DOT1L: variants seen among roughly 807,000 people sequenced by gnomAD.
The protein encoded by DOT1L is histone-lysine N-methyltransferase, H3 lysine-79 specific.
A neutral mutation model predicts 153.3 loss-of-function variants in DOT1L; 33 were observed. That is an observed-to-expected ratio of 0.22 (90% CI 0.16 to 0.29). The LOEUF is 0.29. Ranked by LOEUF, DOT1L falls within the 10% of genes least tolerant of loss-of-function variation. The pLI is 1.00. For synonymous variants in DOT1L, 1,135 were observed against 965.1 expected, an observed-to-expected ratio of 1.18 and a Z score of -3.26; for missense variants, 1,847 against 2,119.9, an observed-to-expected ratio of 0.87 and a Z score of 2.53.
At position 2,208,785 on chromosome 19, in the gene DOT1L, G is replaced by T; in HGVS notation, c.964-150G>T. ...GTTAGTCACATCCGCGTTTGCCACTGGGGGGCTCTAGCTGCATGCCTGCTG... is the reference window on the plus strand; with the variant it reads ...GTTAGTCACATCCGCGTTTGCCACTTGGGGGCTCTAGCTGCATGCCTGCTG... On this transcript the variant is annotated intron_variant, in intron 11 of 27. Transcript: ENST00000398665. This position sits in a 1 kb window ranked among gnomAD's most constrained non-coding sequence, Gnocchi z 4.4. 1.3e-6 allele frequency: 1 copy of T among 768,240 alleles called. No individual in the cohort carries two copies. The highest frequency in any genetic ancestry group is 2.6e-5 in the East Asian group (1 of 38,604). 47.6% of individuals were successfully genotyped at this position (768,240 alleles called of 1,614,324 possible). A position where few individuals can be genotyped will look rare whatever the true frequency, so the allele number is the denominator to read the frequency against.
chr19:2,226,127 T>G, intron 26 of DOT1L, 56 bp from the exon 27 acceptor site: 1 of 1,477,574 alleles, frequency 6.8e-7, no homozygotes, highest in Non-Finnish European at 9.0e-7. Flanking sequence ...GTTAGCCTCA[T>G]GGGTAGCCCG....
At chr19:2,199,727 C>T (rs1391151098) in intron 7 of DOT1L, among the ~76,000 whole-genome samples, 157 bp from the exon 8 acceptor site, 1 of 152,150 alleles carries the variant, frequency 6.6e-6, no homozygotes, top group Non-Finnish European at 1.5e-5. Context: ...CTTCTGCCTG[C>T]AGCTCCCAGG....
At position 2,223,496 on chromosome 19, in the gene DOT1L, G is replaced by A. The variant is rs1181612128; in HGVS notation, c.3596+10G>A. The A allele has an allele frequency of 1.9e-6, 3 of 1,601,140 alleles. No homozygotes were observed. The highest frequency in any genetic ancestry group is 2.5e-6 in the Non-Finnish European group (3 of 1,176,798). On this transcript the variant is annotated intron_variant, in intron 25 of 27. Transcript: ENST00000398665. ...AGCCCAGCAGTGCTCGGCGAGTCCA[G>A]GGGCCCGGAGGGGGGCGGGGCCTGG...
rs567920846 is a variant in DOT1L, at chr19:2,196,136, T to C, written c.651+1559T>C. Among the ~76,000 whole-genome samples the C allele has an allele frequency of 4.6e-5, 7 of 152,358 alleles. No individual in the cohort carries two copies. In the East Asian group the frequency reaches 9.6e-4, roughly 21 times the overall value. On this transcript the variant is annotated intron_variant, in intron 7 of 27. Transcript: ENST00000398665. ...GTGCGTCCTGCCTAGCACGCGCCCC[T>C]GTCCCCAGCTCAGACCCCTCCGCAC... is the stretch of plus-strand genomic sequence containing the variant.
At position 2,204,183 on chromosome 19, in the gene DOT1L, GTGTGCGTGCC is replaced by G. The variant is rs761115287; in HGVS notation, c.787+1419_787+1428del. On this transcript the variant is annotated intron_variant, in intron 9 of 27. Transcript: ENST00000398665. This position sits in a 1 kb window ranked among gnomAD's most constrained non-coding sequence, Gnocchi z 5.7. ...CCTGTGTGTCTGTTAGCGTGTCTCTGTGTGCGTGCCTGTGCGTGCCTGTGTCTGCATGTCT... is the reference window on the plus strand; with the variant it reads ...CCTGTGTGTCTGTTAGCGTGTCTCTGTGTGCGTGCCTGTGTCTGCATGTCT... Among the ~76,000 whole-genome samples the G allele has an allele frequency of 3.9e-4, 59 of 151,738 alleles. 1 individual carries two copies. The Middle Eastern group carries it at 0.024, about 61-fold the overall frequency.
chr19:2,219,505 G>A (rs1182635656), intron 22 of DOT1L, among the ~76,000 whole-genome samples: 2 of 152,134 alleles, frequency 1.3e-5, no homozygotes, highest in East Asian at 1.9e-4. Context: ...ATCTTCATCC[G>A]TGCCCAGTTG....
At chr19:2,189,623 T>G (rs1599558881) in intron 3 of DOT1L, 109 bp from the exon 4 acceptor site, 1 of 1,253,068 alleles carries the variant, frequency 8.0e-7, no homozygotes, top group Non-Finnish European at 1.1e-6. Flanking sequence ...CTGGTGGCTG[T>G]CCAGGCAGGG....
intron 27 of DOT1L, chr19:2,228,698 G>A: frequency 1.0e-6 from 1 of 985,416 alleles, no homozygotes; most frequent in Non-Finnish European, 1.2e-6. Flanking sequence ...AGGCCAGGGG[G>A]CTGGGAGCTC....
At chr19:2,228,009 G>A (rs1318008667) in intron 27 of DOT1L, 5 of 1,173,388 alleles carry the variant, frequency 4.3e-6, no homozygotes, top group East Asian at 1.5e-4. Flanking sequence ...ACCTAACGCC[G>A]CCTTGCCTCC....
At chr19:2,183,835 C>G (rs2022358448) in intron 2 of DOT1L, among the ~76,000 whole-genome samples, 2 of 152,100 alleles carry the variant, frequency 1.3e-5, no homozygotes, top group Admixed American at 1.3e-4. Flanking sequence ...CCATGTTGAT[C>G]AGGCTGGTCT....
In DOT1L at chr19:2,207,989, G is replaced by A. The variant is rs1180563479; in HGVS notation, c.963+309G>A. The stretch of plus-strand genomic sequence containing the variant: ...AGTGATGTGTGACCATAAGGGTCCC[G>A]GCCGCCATATCCAGAGGCCCCTGTG... On this transcript the variant is annotated intron_variant, in intron 11 of 27. Transcript: ENST00000398665. The surrounding 1 kb of genome is among the most constrained non-coding windows in gnomAD (Gnocchi z 4.5). Among the ~76,000 whole-genome samples the A allele has an allele frequency of 1.3e-5, 2 of 152,072 alleles. No individual in the cohort carries two copies. The highest frequency in any genetic ancestry group is 2.9e-5 in the Non-Finnish European group (2 of 67,988).
chr19:2,166,733 C>G (rs933104856), intron 1 of DOT1L, among the ~76,000 whole-genome samples: 1 of 152,188 alleles, frequency 6.6e-6, no homozygotes, highest in East Asian at 1.9e-4. Context: ...GTATATCTTC[C>G]TCTTTCAGTT....
intron 2 of DOT1L, among the ~76,000 whole-genome samples, chr19:2,185,574 G>C (rs1311621744): frequency 6.6e-6 from 1 of 152,132 alleles, no homozygotes; most frequent in Non-Finnish European, 1.5e-5. Flanking sequence ...TTTGAGACCA[G>C]CCTTGCCAAA....
intron 8 of DOT1L, 26 bp downstream of exon 8, chr19:2,199,965 G>T (rs181699454): frequency 3.4e-5 from 54 of 1,611,878 alleles, no homozygotes; most frequent in Admixed American, 6.7e-5. Flanking sequence ...GGCATGCAGG[G>T]CATGTGGGGT....
Position 2,220,124 on chromosome 19 carries a change from C to T in DOT1L, c.2708C>T (p.Pro903Leu). ...RAERARSTPS[P>L]VLQPRDPSST... The stretch of plus-strand genomic sequence containing the variant: ...TCTCTGCAGAGGAGCACCCCCAGTC[C>T]CGTGCTGCAGCCCCGTGACCCCTCG... Residue 903 changes from proline (P) to leucine (L), a missense_variant, in exon 23 of 28, where the codon CCC becomes CTC. By Grantham distance (98) the Pro-to-Leu change is moderately conservative (BLOSUM62 -3). Transcript: ENST00000398665. The surrounding 1 kb of genome is among the most constrained non-coding windows in gnomAD (Gnocchi z 4.5). 1 of 1,610,860 alleles carries T rather than the reference C, an allele frequency of 6.2e-7. No individual in the cohort carries two copies. Among genetic ancestry groups the T allele is most frequent in the Non-Finnish European group, 8.5e-7 (1 of 1,177,740 alleles).
intron 26 of DOT1L, among the ~76,000 whole-genome samples, chr19:2,225,844 C>T (rs551277216): frequency 1.2e-4 from 18 of 152,258 alleles, no homozygotes; most frequent in East Asian, 1.2e-3. Flanking sequence ...CCTTCCCTCC[C>T]GCAGGCTGCT....
chr19:2,170,351 A>C lies in DOT1L; in HGVS notation c.81+6086A>C, dbSNP rs114496158. Among the ~76,000 whole-genome samples the C allele has an allele frequency of 2.2e-3, 334 of 152,178 alleles. 1 individual carries two copies. The highest frequency in any genetic ancestry group is 7.5e-3 in the African/African-American group (312 of 41,514). ...CCTTGCTCTTGTCTCTCTGGACCTG[A>C]TGCATTTTGCATGCCTCACTGGGCA... On this transcript the variant is annotated intron_variant, in intron 1 of 27. Coordinates refer to ENST00000398665, the MANE Select transcript of DOT1L (RefSeq NM_032482.3).
intron 1 of DOT1L, among the ~76,000 whole-genome samples, chr19:2,175,362 A>G (rs2021874375): frequency 6.6e-6 from 1 of 151,898 alleles, no homozygotes; most frequent in Non-Finnish European, 1.5e-5. Context: ...GAGTGCAGTG[A>G]CGATCATGAT....
intron 27 of DOT1L, chr19:2,227,652 C>T (rs1054156581): frequency 1.4e-5 from 18 of 1,257,656 alleles, no homozygotes; most frequent in Non-Finnish European, 1.9e-5. Flanking sequence ...GTTTCGCTTC[C>T]CTTTTTGTGA....
Sources: gnomAD v4.1 joint callset for allele counts (sites outside exome capture counted in the v4.1 genomes callset) on GRCh38, gnomAD v4.1.1 for gene constraint, Gnocchi (gnomAD v3.1) non-coding constraint, MANE v1.5 for transcripts, NCBI Gene and HGNC (gene_info 2026-07-23, HGNC 2026-07-21) for gene names.